NTM: variants seen among roughly 807,000 people sequenced by gnomAD.
The protein encoded by NTM is neurotrimin.
In NTM, 13 loss-of-function variants were observed where a neutral mutation model predicts 42.1. The ratio of observed to expected loss-of-function variants is 0.31; its 90% CI spans 0.20 to 0.49. NTM has a LOEUF of 0.49. Among genes scored for constraint, NTM ranks in the 20% least tolerant of loss-of-function variants. The pLI, the probability that NTM is intolerant of heterozygous loss-of-function variation, is 0.99. For synonymous variants in NTM, 187 were observed against 179.2 expected (o/e 1.04, Z -0.35); for missense variants, 373 against 452.8 (o/e 0.82, Z 1.60).
chr11:131,670,927 A>C (rs2070089194), intron 1 of NTM, among the ~76,000 whole-genome samples: 1 of 152,062 alleles, frequency 6.6e-6, no homozygotes, highest in Non-Finnish European at 1.5e-5. Context: ...GGGGCCCAGG[A>C]GGCTCCCAGG....
chr11:132,278,061 A>C (rs934412759), intron 4 of NTM, among the ~76,000 whole-genome samples: 7 of 152,230 alleles, frequency 4.6e-5, no homozygotes, highest in African/African-American at 1.7e-4. Flanking sequence ...TGGTATTCAC[A>C]TCAACATCGG....
At chr11:131,941,272 G>C (rs1263193419) in intron 2 of NTM, among the ~76,000 whole-genome samples, 2 of 152,118 alleles carry the variant, frequency 1.3e-5, no homozygotes, top group Non-Finnish European at 2.9e-5. Flanking sequence ...TCATTTCTCT[G>C]AGTGGGAATT....
At chr11:131,872,968 A>G (rs1327541457) in intron 1 of NTM, among the ~76,000 whole-genome samples, 2 of 152,194 alleles carry the variant, frequency 1.3e-5, no homozygotes, top group Non-Finnish European at 2.9e-5. Context: ...CCAACAATGT[A>G]AAAACGTTCC....
chr11:131,619,173 C>A (rs2062261740), intron 1 of NTM, among the ~76,000 whole-genome samples: 1 of 152,130 alleles, frequency 6.6e-6, no homozygotes, highest in East Asian at 1.9e-4. Flanking sequence ...TACAGTCTGA[C>A]GACAAGGGAA....
intron 1 of NTM, among the ~76,000 whole-genome samples, chr11:131,864,739 G>A (rs1465666320): frequency 6.6e-6 from 1 of 152,186 alleles, no homozygotes; most frequent in African/African-American, 2.4e-5. Flanking sequence ...CTCTGACCAG[G>A]ATTTCCTGGC....
chr11:131,687,266 A>G (rs2074006811), intron 1 of NTM, among the ~76,000 whole-genome samples: 1 of 152,208 alleles, frequency 6.6e-6, no homozygotes, highest in Non-Finnish European at 1.5e-5. Context: ...CAGCTGGTTG[A>G]CAGCCATTTG....
intron 4 of NTM, among the ~76,000 whole-genome samples, chr11:132,220,198 A>G (rs2084857059): frequency 6.6e-6 from 1 of 152,230 alleles, no homozygotes; most frequent in Non-Finnish European, 1.5e-5. Context: ...AAAGGGATTA[A>G]TTGTGACAAA....
intron 1 of NTM, among the ~76,000 whole-genome samples, chr11:131,510,754 T>A (rs2048122994): frequency 6.6e-6 from 1 of 152,198 alleles, no homozygotes; most frequent in Non-Finnish European, 1.5e-5. Flanking sequence ...TCTGCTCATT[T>A]CCCCAGTTTT....
At chr11:131,751,721 C>T (rs1324021076) in intron 1 of NTM, among the ~76,000 whole-genome samples, 4 of 152,066 alleles carry the variant, frequency 2.6e-5, no homozygotes, top group African/African-American at 9.7e-5. Context: ...GATGGCACTG[C>T]TGCACTCCAG....
intron 1 of NTM, among the ~76,000 whole-genome samples, chr11:131,852,436 C>A (rs2045658358): frequency 6.6e-6 from 1 of 152,124 alleles, no homozygotes; most frequent in African/African-American, 2.4e-5. Flanking sequence ...TATTTTATTT[C>A]TTCACTGCAT....
At chr11:132,329,426 G>A (rs144029700) in intron 7 of NTM, among the ~76,000 whole-genome samples, 108 of 152,296 alleles carry the variant, frequency 7.1e-4, no homozygotes, top group African/African-American at 2.4e-3. Flanking sequence ...AGCAGAGAGG[G>A]GCCAGCCTCC....
intron 1 of NTM, among the ~76,000 whole-genome samples, chr11:131,802,428 C>T (rs2092195759): frequency 6.6e-6 from 1 of 152,232 alleles, no homozygotes; most frequent in South Asian, 2.1e-4. Context: ...CTATCGCCTC[C>T]AACTCTGCAC....
intron 1 of NTM, among the ~76,000 whole-genome samples, chr11:131,840,373 T>C (rs1416216830): frequency 6.6e-6 from 1 of 152,122 alleles, no homozygotes; most frequent in Admixed American, 6.5e-5. Flanking sequence ...CTGGAAGCCA[T>C]GTGAGGAAGG....
At chr11:131,581,765 C>G (rs929284641) in intron 1 of NTM, among the ~76,000 whole-genome samples, 6 of 152,124 alleles carry the variant, frequency 3.9e-5, no homozygotes, top group Admixed American at 3.3e-4. Flanking sequence ...AAAATGGCCT[C>G]CCATGCACTT....
intron 7 of NTM, among the ~76,000 whole-genome samples, chr11:132,324,209 TCAA>T (rs2095631781): frequency 7.5e-6 from 1 of 133,574 alleles, no homozygotes; most frequent in African/African-American, 2.8e-5. Context: ...TAAAGGGTAT[TCAA>T]TTAGGAAAAG....
chr11:131,969,106 G>A (rs1405841032), intron 2 of NTM, among the ~76,000 whole-genome samples: 1 of 152,204 alleles, frequency 6.6e-6, no homozygotes, highest in East Asian at 1.9e-4. Flanking sequence ...TTGGATGGTA[G>A]GCTGCTTAAG....
intron 1 of NTM, among the ~76,000 whole-genome samples, chr11:131,818,076 AC>A (rs1197000001): frequency 6.6e-6 from 1 of 152,140 alleles, no homozygotes; most frequent in Non-Finnish European, 1.5e-5. Flanking sequence ...TTTGGCACCC[AC>A]CAGTCATCAA....
At chr11:131,754,710 T>C (rs1256581915) in intron 1 of NTM, among the ~76,000 whole-genome samples, 1 of 152,128 alleles carries the variant, frequency 6.6e-6, no homozygotes, top group East Asian at 1.9e-4. Context: ...GATAAAATCA[T>C]ATGTCTACAT....
At chr11:131,484,006 A>G (rs770973180) in intron 1 of NTM, among the ~76,000 whole-genome samples, 1 of 152,200 alleles carries the variant, frequency 6.6e-6, no homozygotes, top group Non-Finnish European at 1.5e-5. Flanking sequence ...AAACATCTCA[A>G]TAGCCATGGC....
Sources: allele counts gnomAD v4.1 joint callset (sites outside exome capture counted in the v4.1 genomes callset), GRCh38; gene constraint gnomAD v4.1.1; transcripts MANE v1.5; gene names NCBI Gene and HGNC (gene_info 2026-07-23, HGNC 2026-07-21).